STAG1: variants seen among roughly 807,000 people sequenced by gnomAD.
STAG1 encodes STAG1 cohesin complex component.
In STAG1, 26 loss-of-function variants were observed where a neutral mutation model predicts 170.9. The observed-to-expected ratio is 0.15, with a 90% CI of 0.11 to 0.21. The LOEUF (loss-of-function observed/expected upper bound fraction) is 0.21, where lower values mean the gene tolerates loss of function less well. Ranked by LOEUF, STAG1 falls within the 10% of genes least tolerant of loss-of-function variation. The pLI is 1.00. For missense variants in STAG1, 964 were observed against 1,509.5 expected, an observed-to-expected ratio of 0.64 and a Z score of 5.99; for synonymous variants, 514 against 497.7, an observed-to-expected ratio of 1.03 and a Z score of -0.44.
At chr3:136,502,934 T>C (rs1315960864) in intron 7 of STAG1, among the ~76,000 whole-genome samples, 155 bp from the exon 8 acceptor site, 3 of 152,210 alleles carry the variant, frequency 2.0e-5, no homozygotes, top group African/African-American at 7.2e-5. Context: ...ATAACTAATT[T>C]ATAGAAATAA....
intron 1 of STAG1, among the ~76,000 whole-genome samples, chr3:136,736,270 G>C (rs1409014054): frequency 6.6e-6 from 1 of 152,196 alleles, no homozygotes; most frequent in Non-Finnish European, 1.5e-5. Context: ...TTCTAATCCT[G>C]GTTGTTCTAG....
At chr3:136,612,501 T>C (rs1939350283) in intron 3 of STAG1, among the ~76,000 whole-genome samples, 1 of 151,590 alleles carries the variant, frequency 6.6e-6, no homozygotes, top group Non-Finnish European at 1.5e-5. Flanking sequence ...AAAAAATATC[T>C]AAAGATAAAG....
At chr3:136,430,677 A>T (rs911746697) in intron 16 of STAG1, among the ~76,000 whole-genome samples, 4 of 151,508 alleles carry the variant, frequency 2.6e-5, no homozygotes, top group Non-Finnish European at 5.9e-5. Flanking sequence ...AAGTTTAAAA[A>T]TTTGTGTTGG....
intron 1 of STAG1, among the ~76,000 whole-genome samples, chr3:136,742,247 T>C (rs1934706137): frequency 6.6e-6 from 1 of 152,066 alleles, no homozygotes; most frequent in African/African-American, 2.4e-5. Context: ...ACCCAACAAC[T>C]GCAAAACACA....
intron 27 of STAG1, 143 bp from the exon 28 acceptor site, chr3:136,357,991 G>T: frequency 1.6e-6 from 1 of 638,934 alleles, no homozygotes; most frequent in Non-Finnish European, 2.6e-6. Context: ...AAACTAATGT[G>T]AATATATAGG....
chr3:136,379,406 G>C (rs1937811072), intron 22 of STAG1, among the ~76,000 whole-genome samples: 1 of 152,088 alleles, frequency 6.6e-6, no homozygotes, highest in African/African-American at 2.4e-5. Flanking sequence ...TTAAGGCACA[G>C]ATATTCAAAA....
intron 5 of STAG1, among the ~76,000 whole-genome samples, chr3:136,549,658 GTTT>G (rs34179977): frequency 1.4e-5 from 2 of 144,550 alleles, no homozygotes; most frequent in African/African-American, 2.5e-5. Flanking sequence ...CACTTCTTCC[GTTT>G]TTTTTTTTTT....
At chr3:136,569,798 A>G (rs933133597) in intron 4 of STAG1, among the ~76,000 whole-genome samples, 6 of 152,100 alleles carry the variant, frequency 3.9e-5, no homozygotes, top group African/African-American at 1.4e-4. Context: ...CCTAAGAATA[A>G]ATCTAAGAGA....
At chr3:136,492,014 C>CA (rs1293241988) in intron 9 of STAG1, among the ~76,000 whole-genome samples, 1 of 152,018 alleles carries the variant, frequency 6.6e-6, no homozygotes, top group Non-Finnish European at 1.5e-5. Flanking sequence ...AACAAAAAAA[C>CA]AAAAAAATCA....
chr3:136,420,953 T>C (rs1472337382), intron 20 of STAG1, 140 bp downstream of exon 20: 18 of 488,132 alleles, frequency 3.7e-5, no homozygotes, highest in Non-Finnish European at 5.9e-5. Context: ...CCAATTTTTG[T>C]ATTTTTTGTA....
chr3:136,343,710 T>TCCG (rs1321455593), intron 30 of STAG1, 122 bp downstream of exon 30: 2 of 639,764 alleles, frequency 3.1e-6, no homozygotes, highest in Non-Finnish European at 4.8e-6. Flanking sequence ...GTGTTTACCC[T>TCCG]CCGTTTGTGG....
At chr3:136,387,529 A>T (rs767846112) in intron 22 of STAG1, among the ~76,000 whole-genome samples, 1 of 152,178 alleles carries the variant, frequency 6.6e-6, no homozygotes, top group Non-Finnish European at 1.5e-5. Context: ...AAAGAACAAG[A>T]CACAAAAGGC....
At chr3:136,629,007 A>G (rs191199143) in intron 2 of STAG1, among the ~76,000 whole-genome samples, 26 of 152,200 alleles carry the variant, frequency 1.7e-4, no homozygotes, top group African/African-American at 6.0e-4. Context: ...TCTTCGGCTG[A>G]CAGATCTAAA....
chr3:136,595,713 A>C (rs2107797897), intron 4 of STAG1, among the ~76,000 whole-genome samples: 1 of 149,768 alleles, frequency 6.7e-6, no homozygotes, highest in African/African-American at 2.4e-5. Context: ...TAAATAAATA[A>C]ATAAATAAAT....
At chr3:136,380,519 C>T (rs1937895866) in intron 22 of STAG1, among the ~76,000 whole-genome samples, 1 of 151,964 alleles carries the variant, frequency 6.6e-6, no homozygotes, top group South Asian at 2.1e-4. Flanking sequence ...GGATTACAGG[C>T]GTGAGCCACC....
At chr3:136,376,180 C>T (rs1263108737) in intron 23 of STAG1, among the ~76,000 whole-genome samples, 4 of 150,100 alleles carry the variant, frequency 2.7e-5, no homozygotes, top group African/African-American at 9.7e-5. Flanking sequence ...AATAAAGATA[C>T]TTGTCACTAT....
chr3:136,643,405 C>T (rs972051722), intron 1 of STAG1, among the ~76,000 whole-genome samples: 2 of 152,130 alleles, frequency 1.3e-5, no homozygotes, highest in Non-Finnish European at 2.9e-5. Flanking sequence ...TGATAAATTA[C>T]TTCAAAAGGA....
chr3:136,671,240 C>T (rs1054870941), intron 1 of STAG1, among the ~76,000 whole-genome samples: 9 of 152,080 alleles, frequency 5.9e-5, no homozygotes, highest in South Asian at 2.1e-4. Context: ...GCCAAGACTG[C>T]GCCACCATAC....
At chr3:136,622,150 A>G (rs1041005209) in intron 3 of STAG1, among the ~76,000 whole-genome samples, 7 of 150,252 alleles carry the variant, frequency 4.7e-5, no homozygotes, top group African/African-American at 1.2e-4. Flanking sequence ...AAAAAAAAAA[A>G]AAAAAAAAGA....
Sources: allele counts gnomAD v4.1 joint callset (sites outside exome capture counted in the v4.1 genomes callset), GRCh38; gene constraint gnomAD v4.1.1; transcripts MANE v1.5; gene names NCBI Gene and HGNC (gene_info 2026-07-23, HGNC 2026-07-21).